KSR2: variants seen among roughly 807,000 people sequenced by gnomAD.
KSR2 encodes the protein kinase suppressor of ras 2.
In KSR2, 25 loss-of-function variants were observed where a neutral mutation model predicts 107.8. The observed-to-expected ratio is 0.23, with a 90% CI of 0.17 to 0.32. The LOEUF (loss-of-function observed/expected upper bound fraction) is 0.32, where lower values mean the gene tolerates loss of function less well. Ranked by LOEUF, KSR2 falls within the 10% of genes least tolerant of loss-of-function variation. The pLI is 1.00. For missense variants in KSR2, 887 were observed against 1,268.9 expected (o/e 0.70, Z 4.57); for synonymous variants, 480 against 507.0 (o/e 0.95, Z 0.71).
intron 3 of KSR2, among the ~76,000 whole-genome samples, chr12:117,762,175 G>A (rs575677839): frequency 2.0e-4 from 30 of 152,312 alleles, no homozygotes; most frequent in Middle Eastern, 3.4e-3. Context: ...ACTTCCCAAG[G>A]TCCCAGTTCT....
intron 1 of KSR2, among the ~76,000 whole-genome samples, chr12:117,955,855 T>TA (rs34170897): frequency 0.48 from 68,951 of 143,642 alleles, 16,687 homozygotes; most frequent in Non-Finnish European, 0.55. Flanking sequence ...CCTCAGGGGG[T>TA]AAAAAAAAAA....
At chr12:117,911,157 T>TTCTCTC (rs113047651) in intron 1 of KSR2, among the ~76,000 whole-genome samples, 34 of 144,376 alleles carry the variant, frequency 2.4e-4, no homozygotes, top group African/African-American at 8.2e-4. Context: ...CACACATTCT[T>TTCTCTC]TCTCTCTCTC....
chr12:117,728,292 TA>T (rs956667555), intron 4 of KSR2, among the ~76,000 whole-genome samples: 9 of 152,076 alleles, frequency 5.9e-5, no homozygotes, highest in African/African-American at 1.9e-4. Context: ...AAGGGGCAAA[TA>T]AGGGTCATGT....
At chr12:117,871,639 C>T (rs1259864114) in intron 1 of KSR2, among the ~76,000 whole-genome samples, 1 of 150,466 alleles carries the variant, frequency 6.6e-6, no homozygotes, top group East Asian at 1.9e-4. Context: ...GCAGCCAAAA[C>T]AAAAGGTATA....
intron 5 of KSR2, among the ~76,000 whole-genome samples, chr12:117,648,714 G>C (rs968650435): frequency 6.6e-6 from 1 of 152,228 alleles, no homozygotes; most frequent in African/African-American, 2.4e-5. Context: ...GTAGGTGCTT[G>C]TGTTTAGGGG....
intron 3 of KSR2, among the ~76,000 whole-genome samples, chr12:117,836,107 A>G (rs1399287654): frequency 2.2e-5 from 2 of 92,916 alleles, no homozygotes; most frequent in African/African-American, 6.7e-5. Context: ...AAATATGTTA[A>G]AAGAAGATTG....
At chr12:117,492,321 A>G (rs1872787639) in intron 14 of KSR2, among the ~76,000 whole-genome samples, 1 of 152,248 alleles carries the variant, frequency 6.6e-6, no homozygotes, top group Non-Finnish European at 1.5e-5. Context: ...CTCTGTCCAG[A>G]CTGGCTCATT....
At position 117,968,246 on chromosome 12, in the gene KSR2, C is replaced by T; in HGVS notation, c.10G>A (p.Glu4Lys). The change falls in exon 1 of 20, where the codon GAA becomes AAA. Residue 4 changes from glutamate (E) to lysine (K), a missense_variant. Physicochemically the swap from Glu to Lys is moderately conservative, Grantham distance 56. Coordinates refer to ENST00000339824, the MANE Select transcript of KSR2 (RefSeq NM_173598.6). The part of the protein sequence containing the change: MDE[E>K]NMTKSEEQQP... ...TGCTCCTCGCTTTTCGTCATGTTTT[C>T]CTCATCCATCGCTTGCTCTGCAACC... 6.3e-7 allele frequency: 1 copy of T among 1,586,822 alleles called. No individual in the cohort carries two copies. Among genetic ancestry groups the T allele is most frequent in the Non-Finnish European group, 8.6e-7 (1 of 1,168,064 alleles).
intron 4 of KSR2, among the ~76,000 whole-genome samples, chr12:117,729,679 TCCATCCAC>T (rs914439877): frequency 4.0e-5 from 6 of 151,870 alleles, no homozygotes; most frequent in African/African-American, 1.4e-4. Context: ...CATGCATCCA[TCCATCCAC>T]CCATCCACCC....
At chr12:117,908,236 A>G (rs1427668071) in intron 1 of KSR2, among the ~76,000 whole-genome samples, 1 of 151,276 alleles carries the variant, frequency 6.6e-6, no homozygotes, top group Non-Finnish European at 1.5e-5. Flanking sequence ...TAATTTAAAA[A>G]CTCATTAACT....
intron 4 of KSR2, among the ~76,000 whole-genome samples, chr12:117,740,686 C>G (rs2136782144): frequency 7.1e-6 from 1 of 141,620 alleles, no homozygotes. Context: ...TATATACACA[C>G]ACATATACAC....
intron 17 of KSR2, among the ~76,000 whole-genome samples, chr12:117,475,804 A>G (rs1183229886): frequency 1.3e-5 from 2 of 152,220 alleles, no homozygotes. Flanking sequence ...GGTAGGAGCA[A>G]TGATATGTAA....
intron 4 of KSR2, among the ~76,000 whole-genome samples, chr12:117,702,018 G>A (rs1256810723): frequency 6.6e-6 from 1 of 152,158 alleles, no homozygotes. Flanking sequence ...ATGTGATCTG[G>A]CCCTTCCCAC....
chr12:117,550,255 C>G (rs144278196), intron 9 of KSR2, among the ~76,000 whole-genome samples: 41 of 152,228 alleles, frequency 2.7e-4, no homozygotes, highest in African/African-American at 9.6e-4. Flanking sequence ...AGCAGAAGCA[C>G]GAGGTTGTGC....
intron 3 of KSR2, among the ~76,000 whole-genome samples, chr12:117,782,590 A>T (rs10431377): frequency 0.097 from 14,757 of 152,226 alleles, 979 homozygotes; most frequent in South Asian, 0.21. Context: ...TAAAGTATCT[A>T]CTATGTGCCA....
At chr12:117,952,180 C>CACACACACAT (rs1173652388) in intron 1 of KSR2, among the ~76,000 whole-genome samples, 1 of 151,676 alleles carries the variant, frequency 6.6e-6, no homozygotes, top group African/African-American at 2.4e-5. Flanking sequence ...CACACACACA[C>CACACACACAT]ACACATACAC....
At chr12:117,905,664 TG>T (rs1415239630) in intron 1 of KSR2, among the ~76,000 whole-genome samples, 1 of 152,122 alleles carries the variant, frequency 6.6e-6, no homozygotes, top group Non-Finnish European at 1.5e-5. Flanking sequence ...AAGGACAGTG[TG>T]GTGCAGCAGG....
chr12:117,509,382 G>A (rs543121459), intron 14 of KSR2, among the ~76,000 whole-genome samples: 1 of 152,224 alleles, frequency 6.6e-6, no homozygotes, highest in South Asian at 2.1e-4. Flanking sequence ...GGTGAGATAA[G>A]GCCTAGGGAT....
chr12:117,693,868 C>T (rs748857794), intron 4 of KSR2, among the ~76,000 whole-genome samples: 4 of 152,206 alleles, frequency 2.6e-5, no homozygotes, highest in Admixed American at 6.5e-5. Context: ...AATCAGGCTT[C>T]TAGAAGACAT....
Sources: gnomAD v4.1 joint callset for allele counts (sites outside exome capture counted in the v4.1 genomes callset) on GRCh38, gnomAD v4.1.1 for gene constraint, MANE v1.5 for transcripts, NCBI Gene and HGNC (gene_info 2026-07-23, HGNC 2026-07-21) for gene names.